MDGA2: variants seen among roughly 807,000 people sequenced by gnomAD.
MDGA2 encodes the protein MAM domain containing glycosylphosphatidylinositol anchor 2, also known as MAM domain-containing glycosylphosphatidylinositol anchor protein 2.
Under a neutral mutation model 117.8 loss-of-function variants are expected in MDGA2, and 40 were observed. The observed-to-expected ratio is 0.34, with a 90% CI of 0.26 to 0.44. The LOEUF (loss-of-function observed/expected upper bound fraction) is 0.44. Among genes scored for constraint, MDGA2 ranks in the 20% least tolerant of loss-of-function variants. MDGA2 has a pLI of 1.00. For synonymous variants in MDGA2, 452 were observed against 439.0 expected (o/e 1.03, Z -0.37); for missense variants, 1,123 against 1,250.6 (o/e 0.90, Z 1.54).
chr14:47,024,343 A>G (rs895210730), intron 8 of MDGA2, among the ~76,000 whole-genome samples: 4 of 152,198 alleles, frequency 2.6e-5, no homozygotes, highest in African/African-American at 9.6e-5. Context: ...TGTTGTGTTT[A>G]TGAACATATG....
intron 2 of MDGA2, among the ~76,000 whole-genome samples, chr14:47,236,813 GC>G (rs759302727): frequency 2.0e-5 from 3 of 152,106 alleles, no homozygotes; most frequent in Non-Finnish European, 4.4e-5. Flanking sequence ...TTTTCAAGAA[GC>G]TTTTTCCTGA....
chr14:47,450,970 T>C (rs1893229608), intron 1 of MDGA2, among the ~76,000 whole-genome samples: 1 of 152,092 alleles, frequency 6.6e-6, no homozygotes, highest in South Asian at 2.1e-4. Context: ...TCTCTAACTC[T>C]TCTGAGAGAG....
chr14:47,258,167 A>T (rs73251641), intron 2 of MDGA2, among the ~76,000 whole-genome samples: 1 of 151,988 alleles, frequency 6.6e-6, no homozygotes, highest in Admixed American at 6.6e-5. Flanking sequence ...CATTTGCTGG[A>T]AAATCATTTA....
chr14:47,538,847 C>A (rs1357967382), intron 1 of MDGA2, among the ~76,000 whole-genome samples: 1 of 152,148 alleles, frequency 6.6e-6, no homozygotes. Flanking sequence ...TATGCATACA[C>A]ATATTCTCTC....
chr14:46,913,136 T>A (rs1217533985), intron 10 of MDGA2, among the ~76,000 whole-genome samples: 2 of 152,138 alleles, frequency 1.3e-5, no homozygotes, highest in African/African-American at 4.8e-5. Context: ...AAGTCAAAAT[T>A]CAAGTTCTGC....
chr14:47,380,396 C>T lies in MDGA2; in HGVS notation c.281-78846G>A, dbSNP rs376103103. Among the ~76,000 whole-genome samples the T allele has an allele frequency of 1.3e-4, 20 of 152,124 alleles. 1 individual carries two copies. In the East Asian group the frequency reaches 2.3e-3, roughly 18 times the overall value. ...AAAGCAGAACTGACAGAGATAGAGACACAAAAAACCCTTCAAAAAATCAGT... is the reference window on the plus strand; with the variant it reads ...AAAGCAGAACTGACAGAGATAGAGATACAAAAAACCCTTCAAAAAATCAGT... On this transcript the variant is annotated intron_variant, in intron 1 of 16. Transcript: ENST00000399232.
At chr14:47,380,530 G>C (rs1230250745) in intron 1 of MDGA2, among the ~76,000 whole-genome samples, 2 of 151,528 alleles carry the variant, frequency 1.3e-5, no homozygotes, top group Non-Finnish European at 1.5e-5. Flanking sequence ...AGGATAAAGG[G>C]GATATCACCA....
intron 2 of MDGA2, among the ~76,000 whole-genome samples, chr14:47,246,360 A>T (rs544196187): frequency 6.6e-6 from 1 of 151,868 alleles, no homozygotes; most frequent in African/African-American, 2.4e-5. Context: ...CAATATTGGT[A>T]AAAAATAAGA....
At chr14:47,557,424 G>A (rs1448542268) in intron 1 of MDGA2, among the ~76,000 whole-genome samples, 1 of 152,104 alleles carries the variant, frequency 6.6e-6, no homozygotes, top group Non-Finnish European at 1.5e-5. Context: ...AATAGGTTTG[G>A]TTCTACAGTT....
chr14:47,426,462 T>C (rs1892691517), intron 1 of MDGA2, among the ~76,000 whole-genome samples: 1 of 151,944 alleles, frequency 6.6e-6, no homozygotes, highest in African/African-American at 2.4e-5. Context: ...CAAGATGATC[T>C]GGGTATAACT....
At chr14:47,275,239 T>A (rs1888273226) in intron 2 of MDGA2, among the ~76,000 whole-genome samples, 1 of 152,188 alleles carries the variant, frequency 6.6e-6, no homozygotes, top group Admixed American at 6.5e-5. Context: ...AAACATGATA[T>A]ACTGTGAATT....
chr14:47,644,865 A>G lies in MDGA2; in HGVS notation c.280+29652T>C, dbSNP rs556082082. On this transcript the variant is annotated intron_variant, in intron 1 of 16. Coordinates refer to ENST00000399232, the MANE Select transcript of MDGA2 (RefSeq NM_001113498.3). ...TCAATTAAAACTAAAAATAAATCTT[A>G]AAAATATATATCTATCTTAAAATAA... 6.3e-4 allele frequency among the ~76,000 whole-genome samples: 96 copies of G among 152,248 alleles called. 1 individual carries two copies. Among genetic ancestry groups the G allele is most frequent in the Non-Finnish European group, 7.5e-4 (51 of 68,006 alleles).
At chr14:46,945,316 G>C (rs1428332389) in intron 9 of MDGA2, among the ~76,000 whole-genome samples, 1 of 152,086 alleles carries the variant, frequency 6.6e-6, no homozygotes, top group African/African-American at 2.4e-5. Context: ...CCTAGAATAA[G>C]TCTTTACTCT....
At chr14:47,241,405 A>C (rs1887035513) in intron 2 of MDGA2, among the ~76,000 whole-genome samples, 1 of 151,898 alleles carries the variant, frequency 6.6e-6, no homozygotes, top group Non-Finnish European at 1.5e-5. Context: ...GACTTAGAAA[A>C]ATCCTATCTT....
rs570234672 is a variant in MDGA2, at chr14:46,965,018, G to A, written c.1820-7375C>T. Among the ~76,000 whole-genome samples the A allele has an allele frequency of 1.4e-3, 164 of 118,140 alleles. 26 individuals are homozygous for A. Among genetic ancestry groups the A allele is most frequent in the African/African-American group, 7.0e-3 (154 of 21,866 alleles). The allele number at this position is 118,140 out of a possible 152,430, so 77.5% of individuals were successfully genotyped here. Reference sequence around the variant, plus strand: ...GGCTCACTGCAAGCTCCGCCTCCCGGGTTCACGCCATTCTCCTGCCTCAGC... The same window carrying A: ...GGCTCACTGCAAGCTCCGCCTCCCGAGTTCACGCCATTCTCCTGCCTCAGC... On this transcript the variant is annotated intron_variant, in intron 8 of 16. Coordinates refer to ENST00000399232, the MANE Select transcript of MDGA2 (RefSeq NM_001113498.3).
At chr14:47,234,348 A>T (rs1886790887) in intron 2 of MDGA2, among the ~76,000 whole-genome samples, 1 of 151,954 alleles carries the variant, frequency 6.6e-6, no homozygotes, top group Non-Finnish European at 1.5e-5. Context: ...CATAAGGTAA[A>T]TTATAGACAC....
chr14:47,172,464 G>C (rs561490866), intron 3 of MDGA2, among the ~76,000 whole-genome samples: 1 of 151,904 alleles, frequency 6.6e-6, no homozygotes, highest in Non-Finnish European at 1.5e-5. Flanking sequence ...CCAGCGGAAC[G>C]ATCAGAGAGC....
rs113584808 is a variant in MDGA2 at position 46,965,005 on chromosome 14, G to A, written c.1820-7362C>T. On this transcript the variant is annotated intron_variant, in intron 8 of 16. Coordinates refer to ENST00000399232, the MANE Select transcript of MDGA2 (RefSeq NM_001113498.3). ...GTGGCACGATCTCGGCTCACTGCAAGCTCCGCCTCCCGGGTTCACGCCATT... is the reference window on the plus strand; with the variant it reads ...GTGGCACGATCTCGGCTCACTGCAAACTCCGCCTCCCGGGTTCACGCCATT... 1.7e-5 allele frequency among the ~76,000 whole-genome samples: 2 copies of A among 115,002 alleles called. 1 individual carries two copies. Among genetic ancestry groups the A allele is most frequent in the African/African-American group, 9.0e-5 (2 of 22,146 alleles). The allele number at this position is 115,002 out of a possible 152,430, so 75.4% of individuals were successfully genotyped here.
chr14:47,634,737 A>G (rs918735263), intron 1 of MDGA2, among the ~76,000 whole-genome samples: 1 of 152,084 alleles, frequency 6.6e-6, no homozygotes, highest in Non-Finnish European at 1.5e-5. Flanking sequence ...GCCCCAGTTC[A>G]TATAGGCAAA....
Sources: gnomAD v4.1 joint callset for allele counts (sites outside exome capture counted in the v4.1 genomes callset) on GRCh38, gnomAD v4.1.1 for gene constraint, MANE v1.5 for transcripts, NCBI Gene and HGNC (gene_info 2026-07-23, HGNC 2026-07-21) for gene names.